The following TGFB3 variants were observed in gnomAD, a reference collection of about 807,000 sequenced individuals.
The protein encoded by TGFB3 is transforming growth factor beta-3 proprotein.
Under a neutral mutation model 40.1 loss-of-function variants are expected in TGFB3, and 5 were observed. The ratio of observed to expected loss-of-function variants is 0.12; its 90% CI spans 0.07 to 0.26. The LOEUF (loss-of-function observed/expected upper bound fraction) is 0.26, where lower values mean the gene tolerates loss of function less well. TGFB3 is among the 10% of genes least tolerant of loss of function. The pLI is 1.00. For synonymous variants in TGFB3, 184 were observed against 205.6 expected (o/e 0.89, Z 0.90); for missense variants, 373 against 530.1 (o/e 0.70, Z 2.91).
chr14:75,975,359 C>T (rs528591078), intron 1 of TGFB3, among the ~76,000 whole-genome samples: 231 of 142,780 alleles, frequency 1.6e-3, no homozygotes, highest in Non-Finnish European at 2.9e-3. Flanking sequence ...CAGAGTGAGA[C>T]TCTGTCAAAA....
At chr14:75,972,672 G>A (rs2035307805) in intron 1 of TGFB3, among the ~76,000 whole-genome samples, 3 of 152,116 alleles carry the variant, frequency 2.0e-5, no homozygotes, top group African/African-American at 4.8e-5. Context: ...GAGTAAGAGG[G>A]GCCCGAAACA....
At chr14:75,966,223 C>A in intron 3 of TGFB3, 1 of 183,332 alleles carries the variant, frequency 5.5e-6, no homozygotes, top group Non-Finnish European at 1.2e-5. Flanking sequence ...CAAAAAGCCA[C>A]AGGATGTAAT....
rs1566682619 is a variant in TGFB3 at position 75,971,446 on chromosome 14, G to A, written c.516+109C>T. ...GATACGGAAACGAAGGCTCAGAGAAGCCAGGATTCAAACCCAGGTCTGCCA... is the reference window on the plus strand; with the variant it reads ...GATACGGAAACGAAGGCTCAGAGAAACCAGGATTCAAACCCAGGTCTGCCA... On this transcript the variant is annotated intron_variant, in intron 2 of 6. Coordinates refer to ENST00000238682, the MANE Select transcript of TGFB3 (RefSeq NM_003239.5). This position sits in a 1 kb window ranked among gnomAD's most constrained non-coding sequence, Gnocchi z 4.5. 6.5e-7 allele frequency: 1 copy of A among 1,549,554 alleles called. No individual in the cohort carries two copies. Among genetic ancestry groups the A allele is most frequent in the African/African-American group, 1.4e-5 (1 of 73,310 alleles).
rs1334072838 is a variant in TGFB3, at chr14:75,980,472, C to G, written c.352+70G>C. ...CTGCTGTGTGGCCAGCACTAGGCCC[C>G]CCTCTGCAGAGCTCCCAGCTCCAGT... On this transcript the variant is annotated intron_variant, in intron 1 of 6. Transcript: ENST00000238682. The surrounding 1 kb of genome is among the most constrained non-coding windows in gnomAD (Gnocchi z 4.3). 6.6e-7 allele frequency: 1 copy of G among 1,503,782 alleles called. No homozygotes were observed. The highest frequency in any genetic ancestry group is 2.3e-5 in the East Asian group (1 of 44,350). The allele number at this position is 1,503,782 out of a possible 1,614,324, so 93.2% of individuals were successfully genotyped here.
In TGFB3 at chr14:75,978,100, C is replaced by T. The variant is rs1202130273; in HGVS notation, c.352+2442G>A. Among the ~76,000 whole-genome samples the T allele has an allele frequency of 1.3e-5, 2 of 152,284 alleles. No individual in the cohort carries two copies. Among genetic ancestry groups the T allele is most frequent in the East Asian group, 3.9e-4 (2 of 5,164 alleles). ...CTCTCCAGGGACCTCTATCTCCTTG[C>T]CCTGGCTCCTACTGTCACTTTCCTT... is the stretch of plus-strand genomic sequence containing the variant. On this transcript the variant is annotated intron_variant, in intron 1 of 6. Transcript: ENST00000238682. This position sits in a 1 kb window ranked among gnomAD's most constrained non-coding sequence, Gnocchi z 5.0.
Position 75,979,750 on chromosome 14 carries a change from ACG to A in TGFB3, c.352+790_352+791del, listed in dbSNP as rs1424070173. ...ACCCCTCCACCCGCTCTCCCGTGACACGCAGACACAAAGGGCGCCAGCCTCCT... is the reference window on the plus strand; with the variant it reads ...ACCCCTCCACCCGCTCTCCCGTGACACAGACACAAAGGGCGCCAGCCTCCT... On this transcript the variant is annotated intron_variant, in intron 1 of 6. Coordinates refer to ENST00000238682, the MANE Select transcript of TGFB3 (RefSeq NM_003239.5). The surrounding 1 kb of genome is among the most constrained non-coding windows in gnomAD (Gnocchi z 4.8). Among the ~76,000 whole-genome samples, 4 of 139,778 alleles carry A rather than the reference ACG, an allele frequency of 2.9e-5. No homozygotes were observed. Among genetic ancestry groups the A allele is most frequent in the African/African-American group, 1.1e-4 (4 of 37,254 alleles). 91.7% of individuals were successfully genotyped at this position (139,778 alleles called of 152,430 possible).
At position 75,971,485 on chromosome 14, in the gene TGFB3, G is replaced by T; in HGVS notation, c.516+70C>A. The T allele has an allele frequency of 6.3e-7, 1 of 1,598,284 alleles. No individual in the cohort carries two copies. The highest frequency in any genetic ancestry group is 1.1e-5 in the South Asian group (1 of 89,028). ...CCAGGTCTGCCAAACGCTGCACCCA[G>T]TGGTGCCCTGATATGGCAAAGGAAC... is the stretch of plus-strand genomic sequence containing the variant. On this transcript the variant is annotated intron_variant, in intron 2 of 6. Transcript: ENST00000238682. The surrounding 1 kb of genome is among the most constrained non-coding windows in gnomAD (Gnocchi z 4.5).
chr14:75,962,098 A>C (rs1595338277), intron 5 of TGFB3, among the ~76,000 whole-genome samples: 1 of 152,298 alleles, frequency 6.6e-6, no homozygotes. Flanking sequence ...GAAAAGGATG[A>C]AAAGCCAACA....
rs2035291058 is a variant in TGFB3 at position 75,971,470 on chromosome 14, C to G, written c.516+85G>C. The stretch of plus-strand genomic sequence containing the variant: ...AGCCAGGATTCAAACCCAGGTCTGC[C>G]AAACGCTGCACCCAGTGGTGCCCTG... On this transcript the variant is annotated intron_variant, in intron 2 of 6. Transcript: ENST00000238682. This position sits in a 1 kb window ranked among gnomAD's most constrained non-coding sequence, Gnocchi z 4.5. The G allele has an allele frequency of 6.3e-7, 1 of 1,585,886 alleles. No homozygotes were observed. Among genetic ancestry groups the G allele is most frequent in the Non-Finnish European group, 8.6e-7 (1 of 1,164,418 alleles).
At chr14:75,974,389 A>G (rs571773699) in intron 1 of TGFB3, among the ~76,000 whole-genome samples, 17 of 152,194 alleles carry the variant, frequency 1.1e-4, no homozygotes, top group Non-Finnish European at 1.9e-4. Flanking sequence ...TTACTGGGAT[A>G]TATAGATTTC....
Position 75,963,302 on chromosome 14 carries a change from G to C in TGFB3, c.926+14C>G. On this transcript the variant is annotated intron_variant, in intron 5 of 6. Coordinates refer to ENST00000238682, the MANE Select transcript of TGFB3 (RefSeq NM_003239.5). ...AGGCAGTAGATGTTGGTTCCCATGT[G>C]GGCCCAGTCTCACCGGAAGCAGTAA... The C allele has an allele frequency of 6.2e-7, 1 of 1,613,990 alleles. No individual in the cohort carries two copies. Among genetic ancestry groups the C allele is most frequent in the Middle Eastern group, 1.7e-4 (1 of 5,996 alleles).
Position 75,977,829 on chromosome 14 carries a change from T to C in TGFB3, c.352+2713A>G, listed in dbSNP as rs149178721. Among the ~76,000 whole-genome samples the C allele has an allele frequency of 3.8e-3, 577 of 151,986 alleles. 4 individuals carry two copies. The highest frequency in any genetic ancestry group is 0.013 in the African/African-American group (543 of 41,446). ...ACTGAACCCTAAAGGTTAAAGGAGG[T>C]TAAAGGTAACACTTACAACGTGTAT... is the stretch of plus-strand genomic sequence containing the variant. On this transcript the variant is annotated intron_variant, in intron 1 of 6. Transcript: ENST00000238682.
chr14:75,964,023 C>G (rs1470074038), intron 4 of TGFB3, among the ~76,000 whole-genome samples: 1 of 152,102 alleles, frequency 6.6e-6, no homozygotes, highest in Non-Finnish European at 1.5e-5. Flanking sequence ...ATTACAGGTG[C>G]ATGCCACCAT....
chr14:75,963,187 T>C, intron 5 of TGFB3, 129 bp downstream of exon 5: 1 of 1,057,586 alleles, frequency 9.5e-7, no homozygotes, highest in Non-Finnish European at 1.5e-6. Flanking sequence ...TTTTCAGTCT[T>C]CTTCCTGGAG....
intron 5 of TGFB3, among the ~76,000 whole-genome samples, chr14:75,962,794 C>G (rs190549537): frequency 2.1e-4 from 32 of 152,292 alleles, no homozygotes; most frequent in African/African-American, 7.5e-4. Context: ...TGGGTCTTTT[C>G]TATCTCTCTA....
At chr14:75,974,869 T>A (rs1294470221) in intron 1 of TGFB3, among the ~76,000 whole-genome samples, 1 of 151,814 alleles carries the variant, frequency 6.6e-6, no homozygotes, top group Non-Finnish European at 1.5e-5. Flanking sequence ...GGTGGGTGGA[T>A]TGCTTGAGCT....
chr14:75,965,770 G>T, intron 3 of TGFB3, 75 bp from the exon 4 acceptor site: 1 of 1,216,096 alleles, frequency 8.2e-7, no homozygotes, highest in Non-Finnish European at 1.2e-6. Context: ...CCATGCAAGG[G>T]TGAGCCAGGG....
At chr14:75,982,232 T>C (rs954468358), upstream of TGFB3, among the ~76,000 whole-genome samples, 1 of 152,224 alleles carries the variant, frequency 6.6e-6, no homozygotes, top group Non-Finnish European at 1.5e-5. The surrounding 1 kb of genome is among the most constrained non-coding windows in gnomAD (Gnocchi z 4.0). Flanking sequence ...TTGGCTGTTT[T>C]TCTGGAAAGT....
upstream of TGFB3, chr14:75,982,808 C>T (rs143119640): frequency 9.7e-3 from 1,482 of 152,608 alleles, 16 homozygotes; most frequent in Non-Finnish European, 0.013. This position sits in a 1 kb window ranked among gnomAD's most constrained non-coding sequence, Gnocchi z 4.0. Flanking sequence ...CCTCCCCGAC[C>T]GCCGCTCCGG....
Sources: allele counts gnomAD v4.1 joint callset (sites outside exome capture counted in the v4.1 genomes callset), GRCh38; gene constraint gnomAD v4.1.1; non-coding constraint Gnocchi (gnomAD v3.1); transcripts MANE v1.5; gene names NCBI Gene and HGNC (gene_info 2026-07-23, HGNC 2026-07-21).